The following MAP3K7 variants were observed in gnomAD, a reference collection of about 807,000 sequenced individuals.
MAP3K7 encodes the protein TGF-beta activated kinase 1.
MAP3K7 carries 21 observed loss-of-function variants against 84.8 expected under a neutral mutation model. That is an observed-to-expected ratio of 0.25 (90% CI 0.18 to 0.36). The LOEUF (loss-of-function observed/expected upper bound fraction) is 0.36. Among genes scored for constraint, MAP3K7 ranks in the 10% least tolerant of loss-of-function variants. The probability of loss-of-function intolerance (pLI) is 1.00; values close to 1 mark genes in which losing one functional copy is unlikely to be tolerated. For synonymous variants in MAP3K7, 241 were observed against 247.7 expected (o/e 0.97, Z 0.25); for missense variants, 503 against 747.7 (o/e 0.67, Z 3.82).
At chr6:90,545,080 G>A (rs1283885650) in intron 11 of MAP3K7, among the ~76,000 whole-genome samples, 1 of 152,034 alleles carries the variant, frequency 6.6e-6, no homozygotes, top group African/African-American at 2.4e-5. Flanking sequence ...TTCTTGAAGT[G>A]TGCTATAAAG....
intron 1 of MAP3K7, among the ~76,000 whole-genome samples, chr6:90,576,640 G>C (rs1413489668): frequency 6.6e-6 from 1 of 152,142 alleles, no homozygotes; most frequent in African/African-American, 2.4e-5. Context: ...TTATATTCTT[G>C]TGGAAAAAGA....
intron 14 of MAP3K7, among the ~76,000 whole-genome samples, chr6:90,522,770 T>G (rs1340633027): frequency 1.3e-5 from 2 of 152,172 alleles, no homozygotes; most frequent in Non-Finnish European, 2.9e-5. Context: ...CCACATCAGA[T>G]AACTATAAAT....
chr6:90,552,248 C>T (rs907973001), intron 7 of MAP3K7, 69 bp from the exon 8 acceptor site: 20 of 1,381,076 alleles, frequency 1.4e-5, no homozygotes, highest in African/African-American at 2.8e-5. Context: ...ACTCTTTGTA[C>T]GTATTTCCAA....
intron 7 of MAP3K7, 83 bp downstream of exon 7, chr6:90,553,375 T>C: frequency 3.1e-6 from 4 of 1,274,384 alleles, no homozygotes; most frequent in Non-Finnish European, 4.4e-6. Context: ...AGATAAATGA[T>C]ATTCTTTAGG....
intron 1 of MAP3K7, among the ~76,000 whole-genome samples, chr6:90,578,940 TTGAG>T (rs1254975186): frequency 1.3e-5 from 2 of 152,226 alleles, no homozygotes; most frequent in Non-Finnish European, 2.9e-5. Context: ...ATGATGGAGT[TTGAG>T]TGTCACCATA....
chr6:90,527,051 T>A (rs1267944178), intron 13 of MAP3K7, among the ~76,000 whole-genome samples: 3 of 152,174 alleles, frequency 2.0e-5, no homozygotes, highest in African/African-American at 7.2e-5. Context: ...AAAAACCATT[T>A]AAAAAGTTTA....
At chr6:90,536,483 GA>G in intron 12 of MAP3K7, 82 bp from the exon 13 acceptor site, 1 of 1,051,270 alleles carries the variant, frequency 9.5e-7, no homozygotes, top group Non-Finnish European at 1.4e-6. Context: ...CAGAAAGTTG[GA>G]ATTTGTTGCT....
intron 4 of MAP3K7, 39 bp from the exon 5 acceptor site, chr6:90,560,253 C>T (rs1395569680): frequency 2.5e-6 from 4 of 1,610,528 alleles, no homozygotes; most frequent in African/African-American, 2.7e-5. Flanking sequence ...AACTTTATTG[C>T]ATATAACAAA....
chr6:90,579,669 T>C (rs902759129), intron 1 of MAP3K7, among the ~76,000 whole-genome samples: 2 of 152,248 alleles, frequency 1.3e-5, no homozygotes, highest in African/African-American at 2.4e-5. Context: ...GATTTACAGA[T>C]ATTATCTCAT....
chr6:90,523,599 C>T, intron 14 of MAP3K7, 79 bp downstream of exon 14: 1 of 907,960 alleles, frequency 1.1e-6, no homozygotes, highest in Non-Finnish European at 1.8e-6. Flanking sequence ...CCTTTGTAAA[C>T]ATTAGAGTAA....
intron 1 of MAP3K7, among the ~76,000 whole-genome samples, chr6:90,581,456 A>G (rs1582248098): frequency 6.6e-6 from 1 of 152,204 alleles, no homozygotes; most frequent in Non-Finnish European, 1.5e-5. Context: ...TAGAACTTCA[A>G]TATCTATTAA....
intron 3 of MAP3K7, 89 bp downstream of exon 3, chr6:90,568,468 CA>C (rs775035023): frequency 1.5e-5 from 17 of 1,113,098 alleles, no homozygotes; most frequent in African/African-American, 3.3e-5. Flanking sequence ...TTAAAAAAAA[CA>C]AAAAAACCCA....
chr6:90,560,112 G>A lies in MAP3K7; in HGVS notation c.446C>T (p.Pro149Leu), dbSNP rs1216965396. 6.2e-7 allele frequency: 1 copy of A among 1,613,952 alleles called. No individual in the cohort carries two copies. Among genetic ancestry groups the A allele is most frequent in the Non-Finnish European group, 8.5e-7 (1 of 1,180,014 alleles). ...CAGGTCCCTGTGAATTAGCGCTTTG[G>A]GTTGCATGCTGTGAAGATAAGCCAC... ...QGVAYLHSMQPKALIHRDLKP... is the reference protein window; with the variant it reads ...QGVAYLHSMQLKALIHRDLKP... The change falls in exon 5 of 17, where the codon CCC becomes CTC. Residue 149 changes from proline (P) to leucine (L), a missense_variant. Around this residue, in one of 5 missense-constraint regions of MAP3K7, gnomAD observed 97 missense variants for 270.8 expected, o/e 0.36. Coordinates refer to ENST00000369329, the MANE Select transcript of MAP3K7 (RefSeq NM_145331.3).
At chr6:90,585,621 T>C (rs539280309) in intron 1 of MAP3K7, among the ~76,000 whole-genome samples, 2 of 152,336 alleles carry the variant, frequency 1.3e-5, no homozygotes, top group Non-Finnish European at 2.9e-5. Flanking sequence ...GTTTTTACTT[T>C]TCTAAATTTT....
chr6:90,548,584 T>C (rs1474406317), intron 9 of MAP3K7, among the ~76,000 whole-genome samples: 2 of 151,990 alleles, frequency 1.3e-5, no homozygotes, highest in African/African-American at 2.4e-5. Flanking sequence ...AGTTCAGGTA[T>C]AAGATGGAAA....
At chr6:90,556,874 T>A (rs1349931881) in intron 5 of MAP3K7, among the ~76,000 whole-genome samples, 1 of 152,164 alleles carries the variant, frequency 6.6e-6, no homozygotes, top group Non-Finnish European at 1.5e-5. Context: ...GATGTCTTCA[T>A]CTCTAGCTCC....
chr6:90,521,919 G>T (rs1242274936), intron 14 of MAP3K7, among the ~76,000 whole-genome samples: 1 of 152,022 alleles, frequency 6.6e-6, no homozygotes, highest in African/African-American at 2.4e-5. Context: ...ATTTAATTAG[G>T]TCACTTTAAC....
chr6:90,526,713 T>C (rs966151433), intron 13 of MAP3K7, among the ~76,000 whole-genome samples: 2 of 151,946 alleles, frequency 1.3e-5, no homozygotes, highest in Non-Finnish European at 2.9e-5. Context: ...GACAATACTA[T>C]AAAAATGAAC....
chr6:90,527,854 G>A (rs1355001182), intron 13 of MAP3K7, among the ~76,000 whole-genome samples: 1 of 128,622 alleles, frequency 7.8e-6, no homozygotes, highest in East Asian at 2.1e-4. Flanking sequence ...ACTAAAATGG[G>A]TTTCATAAGG....
Sources: allele counts gnomAD v4.1 joint callset (sites outside exome capture counted in the v4.1 genomes callset), GRCh38; gene constraint gnomAD v4.1.1; regional missense constraint gnomAD v4.1.1; transcripts MANE v1.5; gene names NCBI Gene and HGNC (gene_info 2026-07-23, HGNC 2026-07-21).